The following CSMD1 variants were observed in gnomAD, a reference collection of about 807,000 sequenced individuals.
CSMD1 encodes CUB and Sushi multiple domains 1.
In CSMD1, 213 loss-of-function variants were observed where a neutral mutation model predicts 417.5. The ratio of observed to expected loss-of-function variants is 0.51; its 90% CI spans 0.46 to 0.57. The LOEUF (loss-of-function observed/expected upper bound fraction) is 0.57, where lower values mean the gene tolerates loss of function less well. CSMD1 is among the 20% of genes least tolerant of loss of function. The pLI, the probability that CSMD1 is intolerant of heterozygous loss-of-function variation, is 0.00. For synonymous variants in CSMD1, 2,862 were observed against 1,736.8 expected (o/e 1.65, Z -16.11); for missense variants, 6,923 against 4,529.7 (o/e 1.53, Z -15.17).
chr8:3,918,784 C>G (rs967746103), intron 5 of CSMD1, among the ~76,000 whole-genome samples: 2 of 151,992 alleles, frequency 1.3e-5, no homozygotes, highest in African/African-American at 4.8e-5. Context: ...CAATGGAAAA[C>G]CAAACATTTT....
At chr8:4,990,888 T>C (rs1811428282) in intron 1 of CSMD1, among the ~76,000 whole-genome samples, 1 of 152,168 alleles carries the variant, frequency 6.6e-6, no homozygotes, top group East Asian at 1.9e-4. Flanking sequence ...GCGGTGGAGT[T>C]ACAGGGTTTC....
At chr8:4,702,463 G>C (rs1418836403) in intron 1 of CSMD1, among the ~76,000 whole-genome samples, 1 of 152,050 alleles carries the variant, frequency 6.6e-6, no homozygotes, top group Non-Finnish European at 1.5e-5. Context: ...ATTCTAAATA[G>C]TCCCCTTCAG....
At chr8:4,736,417 G>A (rs568371096) in intron 1 of CSMD1, among the ~76,000 whole-genome samples, 1 of 152,156 alleles carries the variant, frequency 6.6e-6, no homozygotes, top group African/African-American at 2.4e-5. Context: ...TTAGAAATTG[G>A]TGAATGAATT....
At chr8:4,581,706 T>A (rs978835842) in intron 2 of CSMD1, among the ~76,000 whole-genome samples, 1 of 152,120 alleles carries the variant, frequency 6.6e-6, no homozygotes, top group Non-Finnish European at 1.5e-5. Flanking sequence ...AGCAGGTCGG[T>A]TTTAACAGCT....
chr8:4,071,501 G>C (rs991274845), intron 3 of CSMD1, among the ~76,000 whole-genome samples: 2 of 151,840 alleles, frequency 1.3e-5, no homozygotes, highest in African/African-American at 4.8e-5. Flanking sequence ...CAAGAGCATT[G>C]CTTCCTTTAC....
At chr8:4,599,550 A>C (rs1384921298) in intron 2 of CSMD1, among the ~76,000 whole-genome samples, 1 of 151,002 alleles carries the variant, frequency 6.6e-6, no homozygotes, top group Non-Finnish European at 1.5e-5. Flanking sequence ...ATAAAATTAC[A>C]AAAAAAAATC....
chr8:3,520,886 A>C (rs1315980621), intron 10 of CSMD1, among the ~76,000 whole-genome samples: 1 of 152,138 alleles, frequency 6.6e-6, no homozygotes, highest in Non-Finnish European at 1.5e-5. Context: ...CCTTGTGTCT[A>C]GCACTGGAAC....
At chr8:3,916,962 T>C (rs957258659) in intron 5 of CSMD1, among the ~76,000 whole-genome samples, 3 of 152,142 alleles carry the variant, frequency 2.0e-5, no homozygotes, top group East Asian at 1.9e-4. Context: ...TCCTCCAATT[T>C]ATTATTTCCT....
At chr8:4,397,262 A>G (rs1804304440) in intron 3 of CSMD1, among the ~76,000 whole-genome samples, 2 of 152,272 alleles carry the variant, frequency 1.3e-5, no homozygotes, top group South Asian at 4.1e-4. Context: ...GTTTTTTCAT[A>G]AAAACTGAGC....
intron 25 of CSMD1, among the ~76,000 whole-genome samples, chr8:3,293,783 G>A (rs1015095161): frequency 2.0e-5 from 3 of 152,134 alleles, no homozygotes; most frequent in African/African-American, 7.2e-5. Context: ...ACTTCCTCCT[G>A]TAGCTCAGAG....
chr8:4,617,293 C>G (rs566066849), intron 2 of CSMD1, among the ~76,000 whole-genome samples: 26 of 152,188 alleles, frequency 1.7e-4, no homozygotes, highest in South Asian at 8.3e-4. Context: ...TGGATAATGT[C>G]TATAAACTGA....
intron 3 of CSMD1, among the ~76,000 whole-genome samples, chr8:4,119,063 G>A (rs978161285): frequency 2.6e-5 from 4 of 152,036 alleles, no homozygotes; most frequent in African/African-American, 9.7e-5. Context: ...GACACAGGGA[G>A]GGGAACATCA....
intron 2 of CSMD1, among the ~76,000 whole-genome samples, chr8:4,426,240 T>G (rs540425079): frequency 6.6e-6 from 1 of 152,036 alleles, no homozygotes; most frequent in East Asian, 1.9e-4. Context: ...AGTTTTCCAG[T>G]AAAATAACTT....
At chr8:3,131,235 G>C (rs961227828) in intron 41 of CSMD1, among the ~76,000 whole-genome samples, 15 of 152,148 alleles carry the variant, frequency 9.9e-5, no homozygotes, top group Admixed American at 9.8e-4. Flanking sequence ...TCTAATAACT[G>C]AGGCAACTTC....
chr8:4,381,400 C>G (rs946036591), intron 3 of CSMD1, among the ~76,000 whole-genome samples: 1 of 152,078 alleles, frequency 6.6e-6, no homozygotes, highest in Non-Finnish European at 1.5e-5. Flanking sequence ...GGGTGGAAAA[C>G]CCATGAATAT....
At chr8:3,809,399 G>C (rs1336397971) in intron 5 of CSMD1, among the ~76,000 whole-genome samples, 2 of 152,116 alleles carry the variant, frequency 1.3e-5, no homozygotes, top group African/African-American at 4.8e-5. Flanking sequence ...AGAGAATTAG[G>C]GACTGTAAAC....
At chr8:3,896,575 G>C (rs556016711) in intron 5 of CSMD1, among the ~76,000 whole-genome samples, 4 of 151,830 alleles carry the variant, frequency 2.6e-5, no homozygotes, top group Non-Finnish European at 5.9e-5. Context: ...GCAGTGGCGT[G>C]ATCTCGGCTC....
At chr8:2,940,597 A>C (rs1801802301) in intron 69 of CSMD1, among the ~76,000 whole-genome samples, 1 of 152,206 alleles carries the variant, frequency 6.6e-6, no homozygotes, top group African/African-American at 2.4e-5. Context: ...TTGACAGGGA[A>C]GTTTCTAAGG....
intron 20 of CSMD1, 109 bp from the exon 21 acceptor site, chr8:3,359,449 A>C (rs1809011700): frequency 2.5e-6 from 2 of 804,368 alleles, no homozygotes; most frequent in Admixed American, 3.0e-5. Flanking sequence ...AAAAACCTAC[A>C]TATATATTTT....
Sources: gnomAD v4.1 joint callset for allele counts (sites outside exome capture counted in the v4.1 genomes callset) on GRCh38, gnomAD v4.1.1 for gene constraint, MANE v1.5 for transcripts, NCBI Gene and HGNC (gene_info 2026-07-23, HGNC 2026-07-21) for gene names.